Variants in NEK1 observed in about 807,000 individuals in gnomAD.
NEK1 encodes the protein NIMA related kinase 1.
NEK1 carries 137 observed loss-of-function variants against 182.1 expected under a neutral mutation model. The ratio of observed to expected loss-of-function variants is 0.75; its 90% CI spans 0.65 to 0.87. The LOEUF (loss-of-function observed/expected upper bound fraction) is 0.87. NEK1 is among the 40% of genes least tolerant of loss of function. The probability of loss-of-function intolerance (pLI) is 0.00; values close to 1 mark genes in which losing one functional copy is unlikely to be tolerated. For missense variants in NEK1, 1,391 were observed against 1,494.4 expected, an observed-to-expected ratio of 0.93 and a Z score of 1.14; for synonymous variants, 513 against 492.2, an observed-to-expected ratio of 1.04 and a Z score of -0.56.
intron 19 of NEK1, among the ~76,000 whole-genome samples, chr4:169,510,485 T>C (rs1322051771): frequency 2.0e-5 from 3 of 152,170 alleles, no homozygotes; most frequent in Non-Finnish European, 4.4e-5. Flanking sequence ...AATTCTATAA[T>C]TGATCATTTC....
chr4:169,472,728 TCTC>T (rs1448965988), intron 26 of NEK1, among the ~76,000 whole-genome samples: 2 of 152,192 alleles, frequency 1.3e-5, no homozygotes, highest in East Asian at 1.9e-4. Context: ...CACCAGTGTC[TCTC>T]CTCATTATTT....
intron 24 of NEK1, 77 bp downstream of exon 24, chr4:169,479,326 A>T: frequency 6.9e-7 from 1 of 1,449,368 alleles, no homozygotes; most frequent in Non-Finnish European, 9.4e-7. Flanking sequence ...ATTAGGGATT[A>T]ATGTGATTTC....
At chr4:169,557,724 G>A (rs1346491573) in intron 16 of NEK1, among the ~76,000 whole-genome samples, 1 of 152,162 alleles carries the variant, frequency 6.6e-6, no homozygotes, top group African/African-American at 2.4e-5. Flanking sequence ...CTTGAGCTCA[G>A]GAGTTCGAGA....
chr4:169,605,406 G>C (rs1771173231), intron 2 of NEK1, among the ~76,000 whole-genome samples: 1 of 152,196 alleles, frequency 6.6e-6, no homozygotes, highest in Admixed American at 6.5e-5. Flanking sequence ...ACTTGTGGTA[G>C]ATGACTTTCA....
chr4:169,565,487 A>G (rs565464533), intron 12 of NEK1, among the ~76,000 whole-genome samples: 2 of 152,324 alleles, frequency 1.3e-5, no homozygotes, highest in African/African-American at 4.8e-5. Flanking sequence ...TGCTCCTCAT[A>G]GTATCATTAC....
chr4:169,436,344 A>C (rs1399099628), intron 28 of NEK1, among the ~76,000 whole-genome samples: 1 of 152,194 alleles, frequency 6.6e-6, no homozygotes, highest in Non-Finnish European at 1.5e-5. Context: ...CGGAGCAGGC[A>C]GAAATTGGAA....
chr4:169,409,059 T>C (rs1049628844), intron 31 of NEK1, among the ~76,000 whole-genome samples: 6 of 152,210 alleles, frequency 3.9e-5, no homozygotes, highest in South Asian at 2.1e-4. Flanking sequence ...CTGTGTTCCA[T>C]AGTGGTTGTA....
At chr4:169,516,221 A>C (rs1178940774) in intron 19 of NEK1, among the ~76,000 whole-genome samples, 1 of 72,338 alleles carries the variant, frequency 1.4e-5, no homozygotes, top group African/African-American at 9.2e-5. Context: ...GATATCTCAT[A>C]GTGGTTTTGA....
intron 34 of NEK1, 79 bp downstream of exon 34, chr4:169,400,442 T>A: frequency 6.9e-7 from 1 of 1,456,630 alleles, no homozygotes; most frequent in Non-Finnish European, 9.2e-7. Flanking sequence ...ATAAATCTAA[T>A]GACCAATACA....
At chr4:169,511,492 T>A (rs1220749822) in intron 19 of NEK1, among the ~76,000 whole-genome samples, 2 of 152,154 alleles carry the variant, frequency 1.3e-5, no homozygotes, top group African/African-American at 4.8e-5. Context: ...TCTGAAGTTT[T>A]AAAACCTTTT....
chr4:169,556,037 T>G lies in NEK1; in HGVS notation c.1325A>C (p.Gln442Pro). 6.2e-7 allele frequency: 1 copy of G among 1,613,766 alleles called. No homozygotes were observed. The highest frequency in any genetic ancestry group is 8.5e-7 in the Non-Finnish European group (1 of 1,179,782). The change falls in exon 17 of 36, where the codon CAG (glutamine) becomes CCG (proline). Residue 442 changes from glutamine to proline, a missense_variant. Physicochemically the swap from Gln to Pro is moderately conservative, Grantham distance 76 (BLOSUM62 -1). Transcript: ENST00000507142. ...IAPSSFSSRG[Q>P]YEHYHAIFDQ... is the part of the protein sequence containing the mutation. ...AAAAATGGCATGGTAATGTTCATACTGTCCTCGAGAAGAAAAAGATGATGG... is the reference window on the plus strand; with the variant it reads ...AAAAATGGCATGGTAATGTTCATACGGTCCTCGAGAAGAAAAAGATGATGG...
intron 27 of NEK1, among the ~76,000 whole-genome samples, chr4:169,457,708 A>G (rs1367449488): frequency 3.4e-5 from 4 of 118,342 alleles, no homozygotes; most frequent in Non-Finnish European, 6.8e-5. Context: ...GGGAGGGGAG[A>G]AGGAGGGGAG....
chr4:169,531,452 A>T (rs1757660203), intron 19 of NEK1, among the ~76,000 whole-genome samples: 1 of 150,148 alleles, frequency 6.7e-6, no homozygotes, highest in African/African-American at 2.4e-5. Context: ...TTGAAAATAT[A>T]TATACTACAT....
chr4:169,404,555 A>G (rs1732250459), intron 32 of NEK1, among the ~76,000 whole-genome samples: 2 of 152,170 alleles, frequency 1.3e-5, no homozygotes, highest in African/African-American at 4.8e-5. Context: ...GTAAAAGTAA[A>G]AAGCAGAAAC....
At chr4:169,559,612 A>G (rs528611053) in intron 16 of NEK1, among the ~76,000 whole-genome samples, 56 of 151,582 alleles carry the variant, frequency 3.7e-4, no homozygotes, top group South Asian at 8.3e-4. Flanking sequence ...ACTTTTGGAG[A>G]AAAAAAACCA....
At chr4:169,484,522 T>G (rs1258402355) in intron 23 of NEK1, among the ~76,000 whole-genome samples, 1 of 151,798 alleles carries the variant, frequency 6.6e-6, no homozygotes, top group African/African-American at 2.4e-5. Context: ...GGACTGTAAA[T>G]TAGAAAAGAA....
chr4:169,461,660 T>C (rs979313068), intron 27 of NEK1, among the ~76,000 whole-genome samples: 1 of 152,170 alleles, frequency 6.6e-6, no homozygotes, highest in Admixed American at 6.5e-5. Flanking sequence ...GTAAATGTAT[T>C]TGGGAGAAAA....
intron 27 of NEK1, among the ~76,000 whole-genome samples, chr4:169,445,629 C>A (rs74788953): frequency 0.071 from 10,810 of 151,202 alleles, 1,259 homozygotes; most frequent in African/African-American, 0.25. Context: ...AATTGGTACA[C>A]ATGGACACAA....
At chr4:169,469,286 T>C (rs1391593874) in intron 26 of NEK1, among the ~76,000 whole-genome samples, 1 of 152,234 alleles carries the variant, frequency 6.6e-6, no homozygotes, top group Non-Finnish European at 1.5e-5. Flanking sequence ...AAACACTGCT[T>C]TAGCTGTGTC....
Sources: allele counts gnomAD v4.1 joint callset (sites outside exome capture counted in the v4.1 genomes callset), GRCh38; gene constraint gnomAD v4.1.1; transcripts MANE v1.5; gene names NCBI Gene and HGNC (gene_info 2026-07-23, HGNC 2026-07-21).